SARDH: variants seen among roughly 807,000 people sequenced by gnomAD.
The protein encoded by SARDH is sarcosine dehydrogenase.
A neutral mutation model predicts 109.1 loss-of-function variants in SARDH; 95 were observed. The observed-to-expected ratio is 0.87, with a 90% CI of 0.74 to 1.03. SARDH has a LOEUF of 1.03. Among genes scored for constraint, SARDH ranks in the 50% least tolerant of loss-of-function variants. The pLI is 0.00. For synonymous variants in SARDH, 572 were observed against 534.8 expected, an observed-to-expected ratio of 1.07 and a Z score of -0.96; for missense variants, 1,267 against 1,287.8, an observed-to-expected ratio of 0.98 and a Z score of 0.25.
At chr9:133,723,727 C>G (rs1301227614) in intron 6 of SARDH, among the ~76,000 whole-genome samples, 1 of 152,194 alleles carries the variant, frequency 6.6e-6, no homozygotes, top group Non-Finnish European at 1.5e-5. Flanking sequence ...CACACCACTG[C>G]ACTCCAGCCT....
chr9:133,728,254 C>T lies in SARDH; in HGVS notation c.915+1511G>A, dbSNP rs150167319. ...TGGGACCCAGGTTCCGGCCCCATTT[C>T]GCCACCCGCTTCACTACCCTGGTCT... is the stretch of plus-strand genomic sequence containing the variant. On this transcript the variant is annotated intron_variant, in intron 6 of 20. Coordinates refer to ENST00000439388, the MANE Select transcript of SARDH (RefSeq NM_001134707.2). This position sits in a 1 kb window ranked among gnomAD's most constrained non-coding sequence, Gnocchi z 5.0. 5.3e-3 allele frequency among the ~76,000 whole-genome samples: 800 copies of T among 152,276 alleles called. 7 individuals carry two copies. The highest frequency in any genetic ancestry group is 0.017 in the African/African-American group (726 of 41,552).
At chr9:133,676,045 C>T (rs962897273) in intron 17 of SARDH, among the ~76,000 whole-genome samples, 32 of 151,708 alleles carry the variant, frequency 2.1e-4, no homozygotes, top group Admixed American at 1.6e-3. Flanking sequence ...GAGCTGAGAT[C>T]GCACCGCTGC....
chr9:133,711,353 C>T (rs943349303), intron 10 of SARDH, among the ~76,000 whole-genome samples: 22 of 152,340 alleles, frequency 1.4e-4, no homozygotes, highest in African/African-American at 5.0e-4. Flanking sequence ...CCCTACCTGG[C>T]TCTGGTTCAA....
In SARDH at chr9:133,712,351, C is replaced by T. The variant is rs976846565; in HGVS notation, c.1328+268G>A. Among the ~76,000 whole-genome samples, 8 of 152,090 alleles carry T rather than the reference C, an allele frequency of 5.3e-5. No homozygotes were observed. Among genetic ancestry groups the T allele is most frequent in the African/African-American group, 1.9e-4 (8 of 41,410 alleles). ...ATCTGTGAGGTGGGGTGATGCCATC[C>T]CACTGATGACTCCAGAGCTGTCCAG... On this transcript the variant is annotated intron_variant, in intron 10 of 20. Coordinates refer to ENST00000439388, the MANE Select transcript of SARDH (RefSeq NM_001134707.2). The surrounding 1 kb of genome is among the most constrained non-coding windows in gnomAD (Gnocchi z 4.1).
intron 20 of SARDH, among the ~76,000 whole-genome samples, chr9:133,664,387 T>A (rs1829987206): frequency 6.6e-6 from 1 of 152,186 alleles, no homozygotes; most frequent in African/African-American, 2.4e-5. Context: ...TGGGGGCCAA[T>A]CCGGCTCGAA....
intron 1 of SARDH, among the ~76,000 whole-genome samples, chr9:133,735,541 G>T (rs554983456): frequency 6.6e-6 from 1 of 152,200 alleles, no homozygotes; most frequent in Non-Finnish European, 1.5e-5. Flanking sequence ...TCCTGGGGAC[G>T]CAGCAACCGT....
chr9:133,691,176 AC>A (rs1831081447), intron 15 of SARDH, among the ~76,000 whole-genome samples: 17 of 133,780 alleles, frequency 1.3e-4, no homozygotes, highest in African/African-American at 5.0e-4. Flanking sequence ...CCCAACACAC[AC>A]ACACACACAC....
At chr9:133,662,439 C>CA (rs1829913664), downstream of SARDH, among the ~76,000 whole-genome samples, 1 of 152,142 alleles carries the variant, frequency 6.6e-6, no homozygotes, top group Admixed American at 6.5e-5. This position sits in a 1 kb window ranked among gnomAD's most constrained non-coding sequence, Gnocchi z 5.1. Context: ...CTGGCTCCCA[C>CA]AAAGCTGTCT....
downstream of SARDH, among the ~76,000 whole-genome samples, chr9:133,662,861 A>G (rs1829930370): frequency 6.6e-6 from 1 of 152,116 alleles, no homozygotes; most frequent in African/African-American, 2.4e-5. This position sits in a 1 kb window ranked among gnomAD's most constrained non-coding sequence, Gnocchi z 5.1. Flanking sequence ...GCTCGGGGGG[A>G]CAAGGGAGGG....
rs567864796 is a variant in SARDH at position 133,690,237 on chromosome 9, C to T, written c.2069+143G>A. On this transcript the variant is annotated intron_variant, in intron 16 of 20. Transcript: ENST00000439388. ...TTCCAGTGCTTTGAAGATATTTATT[C>T]AGAATGGCATCTCTGGTTTACCAGA... 5.1e-5 allele frequency: 44 copies of T among 869,006 alleles called. No individual in the cohort carries two copies. In the African/African-American group the frequency reaches 6.9e-4, roughly 14 times the overall value. 53.8% of individuals were successfully genotyped at this position (869,006 alleles called of 1,614,324 possible).
chr9:133,735,998 C>G, intron 1 of SARDH, among the ~76,000 whole-genome samples: 1 of 151,540 alleles, frequency 6.6e-6, no homozygotes, highest in Non-Finnish European at 1.5e-5. Context: ...CGAGATTGTG[C>G]CATTGCACTC....
At chr9:133,660,264 A>T (rs960171035), downstream of SARDH, among the ~76,000 whole-genome samples, 1 of 152,046 alleles carries the variant, frequency 6.6e-6, no homozygotes, top group Non-Finnish European at 1.5e-5. Context: ...GAAGCCATGT[A>T]GTTTCTGTTT....
At chr9:133,714,868 G>C (rs2131455868) in intron 8 of SARDH, among the ~76,000 whole-genome samples, 1 of 152,316 alleles carries the variant, frequency 6.6e-6, no homozygotes, top group Middle Eastern at 3.4e-3. Context: ...TAGGCCCAGG[G>C]AGGGCAGGAA....
At chr9:133,726,134 G>C (rs1832481956) in intron 6 of SARDH, among the ~76,000 whole-genome samples, 1 of 152,016 alleles carries the variant, frequency 6.6e-6, no homozygotes, top group Non-Finnish European at 1.5e-5. Context: ...AGGACTTTAG[G>C]AGTCTGAGGC....
At chr9:133,667,976 G>A (rs1219498067) in intron 19 of SARDH, among the ~76,000 whole-genome samples, 9 of 152,222 alleles carry the variant, frequency 5.9e-5, no homozygotes, top group Admixed American at 2.6e-4. Flanking sequence ...CCAGAGCCGC[G>A]GCGCAGGGCA....
chr9:133,662,340 C>T (rs561811395), downstream of SARDH, among the ~76,000 whole-genome samples: 5 of 152,254 alleles, frequency 3.3e-5, no homozygotes, highest in South Asian at 2.1e-4. The surrounding 1 kb of genome is among the most constrained non-coding windows in gnomAD (Gnocchi z 5.1). Context: ...ATGTGGTCAC[C>T]GGCCCAATCC....
chr9:133,732,931 G>T (rs1207228611), intron 2 of SARDH, among the ~76,000 whole-genome samples: 1 of 152,206 alleles, frequency 6.6e-6, no homozygotes, highest in East Asian at 1.9e-4. Flanking sequence ...AGTTCAAGTG[G>T]CACCAACAGT....
chr9:133,739,713 TG>T, upstream of SARDH: 1 of 152,626 alleles, frequency 6.6e-6, no homozygotes, highest in Non-Finnish European at 1.5e-5. Context: ...GTGGGGGTCC[TG>T]GGGCAGAGGA....
intron 13 of SARDH, among the ~76,000 whole-genome samples, chr9:133,699,814 G>GT (rs1453378077): frequency 2.0e-5 from 3 of 152,056 alleles, no homozygotes; most frequent in Non-Finnish European, 4.4e-5. Context: ...AACAGTTGGC[G>GT]TTCCCCCAAA....
Sources: allele counts gnomAD v4.1 joint callset (sites outside exome capture counted in the v4.1 genomes callset), GRCh38; gene constraint gnomAD v4.1.1; non-coding constraint Gnocchi (gnomAD v3.1); transcripts MANE v1.5; gene names NCBI Gene and HGNC (gene_info 2026-07-23, HGNC 2026-07-21).